Variants in DISP1 observed in about 807,000 individuals in gnomAD.
The protein encoded by DISP1 is protein dispatched homolog 1.
Under a neutral mutation model 37.3 loss-of-function variants are expected in DISP1, and 30 were observed. The ratio of observed to expected loss-of-function variants is 0.80; its 90% CI spans 0.60 to 1.09. DISP1 has a LOEUF of 1.09. Ranked by LOEUF, DISP1 falls within the 50% of genes least tolerant of loss-of-function variation. The pLI is 0.00. For missense variants in DISP1, 1,598 were observed against 1,879.5 expected (o/e 0.85, Z 2.77); for synonymous variants, 634 against 690.2 (o/e 0.92, Z 1.28).
At chr1:222,991,426 T>C (rs979961852) in intron 5 of DISP1, 94 bp from the exon 6 acceptor site, 3 of 1,479,762 alleles carry the variant, frequency 2.0e-6, no homozygotes, top group Non-Finnish European at 2.8e-6. Flanking sequence ...TTGAAAGCTA[T>C]ATATCACTTT....
At chr1:222,993,961 T>G (rs1364008820) in intron 7 of DISP1, among the ~76,000 whole-genome samples, 1 of 152,184 alleles carries the variant, frequency 6.6e-6, no homozygotes, top group Non-Finnish European at 1.5e-5. Context: ...AAAGCTTTAT[T>G]CATAAATTTA....
At chr1:222,955,903 T>C (rs1286490137) in intron 3 of DISP1, among the ~76,000 whole-genome samples, 1 of 152,252 alleles carries the variant, frequency 6.6e-6, no homozygotes, top group African/African-American at 2.4e-5. Flanking sequence ...ACCTTTATTC[T>C]ATGTGAATAT....
intron 8 of DISP1, among the ~76,000 whole-genome samples, chr1:223,000,533 C>A (rs990075631): frequency 2.6e-5 from 4 of 152,162 alleles, no homozygotes; most frequent in African/African-American, 9.6e-5. Flanking sequence ...CTTTTGGGTT[C>A]ATTTTTCTTT....
At chr1:222,985,689 T>G (rs893169948) in intron 4 of DISP1, among the ~76,000 whole-genome samples, 1 of 152,080 alleles carries the variant, frequency 6.6e-6, no homozygotes, top group Non-Finnish European at 1.5e-5. Context: ...ACACACTTTT[T>G]TTAACCTGTC....
intron 1 of DISP1, among the ~76,000 whole-genome samples, chr1:222,913,002 A>C (rs1207591919): frequency 6.6e-6 from 1 of 152,252 alleles, no homozygotes; most frequent in Non-Finnish European, 1.5e-5. Context: ...GCATGACTAG[A>C]TATTTATAGC....
At chr1:222,950,427 C>T (rs1675126359) in intron 3 of DISP1, among the ~76,000 whole-genome samples, 1 of 152,066 alleles carries the variant, frequency 6.6e-6, no homozygotes, top group African/African-American at 2.4e-5. Context: ...AGTGAAACCC[C>T]TTCTCTACTA....
chr1:222,955,623 T>A (rs1675539827), intron 3 of DISP1, among the ~76,000 whole-genome samples: 1 of 152,190 alleles, frequency 6.6e-6, no homozygotes. Context: ...ACATGAGATA[T>A]TCCATACTTT....
chr1:222,968,847 C>T lies in DISP1; in HGVS notation c.510-14233C>T, dbSNP rs566239973. On this transcript the variant is annotated intron_variant, in intron 3 of 8. Coordinates refer to ENST00000675850, the MANE Select transcript of DISP1 (RefSeq NM_001377229.1). ...ACTTGGGAGTCTGAGGCAGGAGAAT[C>T]GCTTGAGCTTGGGAGGCAGAGATTG... 2.0e-5 allele frequency among the ~76,000 whole-genome samples: 3 copies of T among 152,092 alleles called. No individual in the cohort carries two copies. The South Asian group carries it at 6.2e-4, about 32-fold the overall frequency.
At chr1:222,960,240 G>A (rs1241671183) in intron 3 of DISP1, among the ~76,000 whole-genome samples, 1 of 152,186 alleles carries the variant, frequency 6.6e-6, no homozygotes, top group Non-Finnish European at 1.5e-5. Flanking sequence ...ACGCTCCTCA[G>A]CAAATGCAGA....
chr1:222,898,601 G>T (rs973834529), intron 1 of DISP1, among the ~76,000 whole-genome samples: 1 of 149,874 alleles, frequency 6.7e-6, no homozygotes. Context: ...TACACATTCA[G>T]GTTTGTTACT....
chr1:222,840,060 A>G (rs960784894), intron 1 of DISP1, among the ~76,000 whole-genome samples: 2 of 152,234 alleles, frequency 1.3e-5, no homozygotes, highest in African/African-American at 4.8e-5. Context: ...TTTATAATAA[A>G]GAGTTGAATA....
intron 1 of DISP1, among the ~76,000 whole-genome samples, chr1:222,837,684 C>T (rs1046098875): frequency 6.6e-6 from 1 of 151,836 alleles, no homozygotes; most frequent in African/African-American, 2.4e-5. Context: ...TAGCAACAGC[C>T]AGTTAGAGAA....
chr1:222,965,122 C>T (rs922390120), intron 3 of DISP1, among the ~76,000 whole-genome samples: 5 of 152,004 alleles, frequency 3.3e-5, no homozygotes, highest in East Asian at 1.9e-4. Flanking sequence ...TAGAAAATTT[C>T]GCTGCAGTAT....
In DISP1 at chr1:222,885,244, ATATT is replaced by A. The variant is rs1471954541; in HGVS notation, c.-158-43180_-158-43177del. On this transcript the variant is annotated intron_variant, in intron 1 of 8. Coordinates refer to ENST00000675850, the MANE Select transcript of DISP1 (RefSeq NM_001377229.1). Reference sequence around the variant, plus strand: ...TGTTTATGTAAGTATGGCCTCATGAATATTTATTTTATTCCATGGCTTATAATCC... The same window carrying A: ...TGTTTATGTAAGTATGGCCTCATGAATATTTTATTCCATGGCTTATAATCC... 2.6e-5 allele frequency among the ~76,000 whole-genome samples: 4 copies of A among 152,126 alleles called. No homozygotes were observed. The East Asian group carries it at 5.8e-4, about 22-fold the overall frequency.
chr1:222,971,697 C>G (rs1379768308), intron 3 of DISP1, among the ~76,000 whole-genome samples: 1 of 151,982 alleles, frequency 6.6e-6, no homozygotes, highest in Non-Finnish European at 1.5e-5. Flanking sequence ...TGATGAAGGC[C>G]TTGTCCTGTT....
chr1:222,991,427 A>G lies in DISP1; in HGVS notation c.664-93A>G. 3.4e-6 allele frequency: 5 copies of G among 1,482,472 alleles called. No homozygotes were observed. The South Asian group carries it at 3.4e-5, about 10-fold the overall frequency. The allele number at this position is 1,482,472 out of a possible 1,614,324, so 91.8% of individuals were successfully genotyped here. A position where few individuals can be genotyped will look rare whatever the true frequency, so the allele number is the denominator to read the frequency against. ...AGCTATATTTTCTGTTGAAAGCTATATATCACTTTGACATTGCTTTCCCAA... is the reference window on the plus strand; with the variant it reads ...AGCTATATTTTCTGTTGAAAGCTATGTATCACTTTGACATTGCTTTCCCAA... On this transcript the variant is annotated intron_variant, in intron 5 of 8. Transcript: ENST00000675850.
intron 1 of DISP1, chr1:222,837,145 C>A: frequency 2.5e-6 from 1 of 398,076 alleles, no homozygotes; most frequent in South Asian, 1.3e-4. Flanking sequence ...CTTTTTGGGT[C>A]ATCTTCTTAA....
At chr1:222,970,769 T>A (rs1440612339) in intron 3 of DISP1, among the ~76,000 whole-genome samples, 1 of 152,174 alleles carries the variant, frequency 6.6e-6, no homozygotes, top group Non-Finnish European at 1.5e-5. Flanking sequence ...AAATACATTA[T>A]ACTTAGAATT....
At chr1:222,891,475 C>T (rs1670938362) in intron 1 of DISP1, among the ~76,000 whole-genome samples, 1 of 151,858 alleles carries the variant, frequency 6.6e-6, no homozygotes, top group South Asian at 2.1e-4. Context: ...CAAAAGTAGG[C>T]TAAAATTACT....
Sources: allele counts gnomAD v4.1 joint callset (sites outside exome capture counted in the v4.1 genomes callset), GRCh38; gene constraint gnomAD v4.1.1; transcripts MANE v1.5; gene names NCBI Gene and HGNC (gene_info 2026-07-23, HGNC 2026-07-21).